CALN1: variants seen among roughly 807,000 people sequenced by gnomAD.
The protein encoded by CALN1 is calneuron 1.
CALN1 carries 17 observed loss-of-function variants against 30.6 expected under a neutral mutation model. The ratio of observed to expected loss-of-function variants is 0.56; its 90% confidence interval spans 0.38 to 0.83. CALN1 has a LOEUF of 0.83. Among genes scored for constraint, CALN1 ranks in the 40% least tolerant of loss-of-function variants. The probability of loss-of-function intolerance (pLI) is 0.00; values close to 1 mark genes in which losing one functional copy is unlikely to be tolerated. For missense variants in CALN1, 291 were observed against 354.9 expected, an observed-to-expected ratio of 0.82 and a Z score of 1.45; for synonymous variants, 156 against 131.4, an observed-to-expected ratio of 1.19 and a Z score of -1.28.
At chr7:72,487,415 G>C in the CALN1 span, among the ~76,000 whole-genome samples, 8 of 152,018 alleles carry the variant, frequency 5.3e-5, no homozygotes, top group African/African-American at 1.9e-4. Flanking sequence ...GCCAGGTGCG[G>C]TGGCTCATGC....
At chr7:71,997,980 T>A (rs1206986650) in intron 5 of CALN1, among the ~76,000 whole-genome samples, 1 of 151,802 alleles carries the variant, frequency 6.6e-6, no homozygotes, top group East Asian at 1.9e-4. Context: ...GCCACTGTGC[T>A]TGGCTTATTT....
Position 72,314,368 on chromosome 7 carries a change from TATATACAC to T in CALN1, c.120-35566_120-35559del, listed in dbSNP as rs1256939745. On this transcript the variant is annotated intron_variant, in intron 2 of 6. Transcript: ENST00000395275. The stretch of plus-strand genomic sequence containing the variant: ...ATATATACATATATATACATATACA[TATATACAC>T]ATATATACACATATATATACACATA... Among the ~76,000 whole-genome samples the T allele has an allele frequency of 1.7e-3, 117 of 67,660 alleles. 1 individual carries two copies. Among genetic ancestry groups the T allele is most frequent in the Admixed American group, 9.9e-3 (65 of 6,540 alleles). 44.4% of individuals were successfully genotyped at this position (67,660 alleles called of 152,430 possible).
intron 2 of CALN1, among the ~76,000 whole-genome samples, chr7:72,355,844 TATG>T (rs1803188651): frequency 2.0e-5 from 3 of 152,190 alleles, no homozygotes; most frequent in South Asian, 4.1e-4. Flanking sequence ...ATGTCTTAAT[TATG>T]GTGATGGTTA....
At chr7:71,820,817 G>T (rs574873238) in intron 5 of CALN1, among the ~76,000 whole-genome samples, 90 of 152,218 alleles carry the variant, frequency 5.9e-4, no homozygotes, top group Non-Finnish European at 9.4e-4. Context: ...TGATACAAAG[G>T]TCCCAACAAC....
intron 2 of CALN1, among the ~76,000 whole-genome samples, chr7:72,339,915 A>T (rs143482164): frequency 6.6e-6 from 1 of 152,194 alleles, no homozygotes; most frequent in African/African-American, 2.4e-5. Flanking sequence ...GCTACAAGTC[A>T]AGATGAGATT....
intron 2 of CALN1, among the ~76,000 whole-genome samples, chr7:72,297,861 C>G (rs1798974209): frequency 2.0e-5 from 3 of 152,180 alleles, no homozygotes; most frequent in Non-Finnish European, 4.4e-5. Context: ...ATTTTGCAAA[C>G]TGAAAGCAGT....
At chr7:71,806,560 C>T (rs950260384) in intron 6 of CALN1, among the ~76,000 whole-genome samples, 36 of 152,170 alleles carry the variant, frequency 2.4e-4, no homozygotes, top group African/African-American at 8.2e-4. Context: ...ACCCGCCTTG[C>T]CCTCCCAAAG....
chr7:72,053,394 C>CT (rs1802965954), intron 4 of CALN1, among the ~76,000 whole-genome samples: 1 of 152,210 alleles, frequency 6.6e-6, no homozygotes, highest in Admixed American at 6.5e-5. Context: ...CCTGGAACCA[C>CT]TGCACAGAAC....
At chr7:72,373,694 T>C (rs139046746) in intron 2 of CALN1, among the ~76,000 whole-genome samples, 2 of 152,308 alleles carry the variant, frequency 1.3e-5, no homozygotes, top group Admixed American at 1.3e-4. Flanking sequence ...TCCTTTCAAC[T>C]TAAGGTTGGT....
chr7:71,840,985 A>G (rs1789908622), intron 5 of CALN1, among the ~76,000 whole-genome samples: 1 of 152,070 alleles, frequency 6.6e-6, no homozygotes, highest in South Asian at 2.1e-4. Flanking sequence ...TTAAAGGTAA[A>G]GAGTCAGGGA....
At chr7:72,079,384 T>C (rs1222893347) in intron 4 of CALN1, among the ~76,000 whole-genome samples, 1 of 152,196 alleles carries the variant, frequency 6.6e-6, no homozygotes, top group African/African-American at 2.4e-5. Context: ...ACCAAGGTGT[T>C]AATTTGACCA....
At chr7:72,043,772 G>T (rs895942947) in intron 4 of CALN1, among the ~76,000 whole-genome samples, 1 of 152,080 alleles carries the variant, frequency 6.6e-6, no homozygotes, top group Non-Finnish European at 1.5e-5. Context: ...GAGGTAAAGG[G>T]GTTGTATTAG....
intron 3 of CALN1, among the ~76,000 whole-genome samples, chr7:72,229,135 G>A (rs912993547): frequency 1.3e-5 from 2 of 151,848 alleles, no homozygotes; most frequent in Admixed American, 6.6e-5. Context: ...GAACATGGAA[G>A]AAAAGCTGGG....
intron 5 of CALN1, among the ~76,000 whole-genome samples, chr7:71,835,188 C>T (rs995923891): frequency 1.3e-5 from 2 of 152,142 alleles, no homozygotes; most frequent in African/African-American, 4.8e-5. Flanking sequence ...TTGCCTAAGC[C>T]CCTGGCCTTT....
intron 5 of CALN1, among the ~76,000 whole-genome samples, chr7:71,968,356 A>C (rs1222499899): frequency 6.6e-6 from 1 of 152,216 alleles, no homozygotes; most frequent in Non-Finnish European, 1.5e-5. Flanking sequence ...GTGAGATCAG[A>C]CCAGCAGTTC....
the CALN1 span, among the ~76,000 whole-genome samples, chr7:72,479,562 T>C: frequency 1.3e-5 from 2 of 150,872 alleles, no homozygotes; most frequent in Admixed American, 6.6e-5. Flanking sequence ...ATTTTTTTTT[T>C]TTTTTTTTGA....
chr7:71,932,503 G>T (rs1255914005), intron 5 of CALN1, among the ~76,000 whole-genome samples: 3 of 151,896 alleles, frequency 2.0e-5, no homozygotes, highest in Non-Finnish European at 4.4e-5. Context: ...TGAATCTTTT[G>T]TCTACAACTT....
intron 5 of CALN1, among the ~76,000 whole-genome samples, chr7:71,995,403 T>C (rs1418148099): frequency 6.6e-6 from 1 of 152,268 alleles, no homozygotes; most frequent in African/African-American, 2.4e-5. Flanking sequence ...ATTTTGGGGC[T>C]GCTTTTTGTT....
chr7:71,859,783 GT>G (rs1791166292), intron 5 of CALN1, among the ~76,000 whole-genome samples: 1 of 152,230 alleles, frequency 6.6e-6, no homozygotes, highest in Non-Finnish European at 1.5e-5. Context: ...CGGACACGGT[GT>G]CAGAGGCGTG....
Sources: allele counts gnomAD v4.1 joint callset (sites outside exome capture counted in the v4.1 genomes callset), GRCh38; gene constraint gnomAD v4.1.1; transcripts MANE v1.5; gene names NCBI Gene and HGNC (gene_info 2026-07-23, HGNC 2026-07-21).